XYLT1: variants seen among roughly 807,000 people sequenced by gnomAD.
XYLT1 encodes the protein beta-D-xylosyltransferase 1.
XYLT1 carries 36 observed loss-of-function variants against 91.3 expected under a neutral mutation model. The observed-to-expected ratio is 0.39, with a 90% CI of 0.30 to 0.52. The LOEUF (loss-of-function observed/expected upper bound fraction) is 0.52, where lower values mean the gene tolerates loss of function less well. Ranked by LOEUF, XYLT1 falls within the 20% of genes least tolerant of loss-of-function variation. XYLT1 has a pLI of 0.68. For synonymous variants in XYLT1, 588 were observed against 532.0 expected (o/e 1.11, Z -1.45); for missense variants, 1,242 against 1,284.5 (o/e 0.97, Z 0.51).
At chr16:17,373,925 T>C (rs1383840234) in intron 1 of XYLT1, among the ~76,000 whole-genome samples, 1 of 152,234 alleles carries the variant, frequency 6.6e-6, no homozygotes, top group African/African-American at 2.4e-5. Flanking sequence ...CAGGGAGTAT[T>C]GATTCCATCA....
At chr16:17,385,309 C>CA (rs1373073829) in intron 1 of XYLT1, among the ~76,000 whole-genome samples, 1 of 149,790 alleles carries the variant, frequency 6.7e-6, no homozygotes, top group Non-Finnish European at 1.5e-5. Flanking sequence ...CACACACACA[C>CA]ACCTATGTAC....
At chr16:17,386,734 A>AT (rs200951933) in intron 1 of XYLT1, among the ~76,000 whole-genome samples, 133 of 152,334 alleles carry the variant, frequency 8.7e-4, no homozygotes, top group African/African-American at 3.0e-3. Context: ...AGCCCCTATT[A>AT]TAAGAGCACT....
intron 1 of XYLT1, among the ~76,000 whole-genome samples, chr16:17,464,005 T>A (rs1159879584): frequency 3.9e-5 from 6 of 152,094 alleles, no homozygotes. Context: ...ATATCACATG[T>A]TCTCACTCCT....
chr16:17,470,388 T>G, intron 1 of XYLT1, 46 bp downstream of exon 1: 2 of 1,214,576 alleles, frequency 1.6e-6, no homozygotes, highest in Non-Finnish European at 2.0e-6. Context: ...TCGGGCTGCC[T>G]TCCTCCCTCC....
At chr16:17,462,223 G>A (rs1188433708) in intron 1 of XYLT1, among the ~76,000 whole-genome samples, 1 of 152,204 alleles carries the variant, frequency 6.6e-6, no homozygotes, top group African/African-American at 2.4e-5. Flanking sequence ...GGACAAACTA[G>A]GCCTGGGACA....
intron 3 of XYLT1, among the ~76,000 whole-genome samples, chr16:17,236,966 T>C (rs960206621): frequency 6.6e-6 from 1 of 152,210 alleles, no homozygotes; most frequent in African/African-American, 2.4e-5. Flanking sequence ...GGGGATACAA[T>C]GTAATCCATA....
chr16:17,338,497 G>A (rs943909862), intron 2 of XYLT1: 1 of 456,408 alleles, frequency 2.2e-6, no homozygotes, highest in African/African-American at 2.0e-5. Context: ...AGGAAGAGGA[G>A]CCTTGTGCTC....
At chr16:17,448,012 C>T (rs560346838) in intron 1 of XYLT1, among the ~76,000 whole-genome samples, 4 of 152,260 alleles carry the variant, frequency 2.6e-5, no homozygotes, top group African/African-American at 9.6e-5. Flanking sequence ...ATTAAGGAAA[C>T]ATACACATCA....
chr16:17,271,155 G>T (rs1463504390), intron 2 of XYLT1, among the ~76,000 whole-genome samples: 1 of 58,444 alleles, frequency 1.7e-5, no homozygotes, highest in Non-Finnish European at 3.2e-5. Context: ...ACTGTTTTTT[G>T]TTTGTTTGTT....
At chr16:17,222,665 C>T (rs142307812) in intron 3 of XYLT1, among the ~76,000 whole-genome samples, 448 of 151,900 alleles carry the variant, frequency 2.9e-3, no homozygotes, top group African/African-American at 0.01. Context: ...TGGTGTACAC[C>T]CATAATCCCA....
At chr16:17,225,367 CA>C (rs1280353120) in intron 3 of XYLT1, among the ~76,000 whole-genome samples, 1 of 151,924 alleles carries the variant, frequency 6.6e-6, no homozygotes, top group Admixed American at 6.6e-5. Flanking sequence ...GCCCCTTGTT[CA>C]AAAAATATTA....
intron 2 of XYLT1, among the ~76,000 whole-genome samples, chr16:17,283,990 G>A (rs544107922): frequency 2.0e-4 from 31 of 152,276 alleles, no homozygotes; most frequent in African/African-American, 7.5e-4. Flanking sequence ...CAGAGGGAAG[G>A]TCCCCTGGTC....
chr16:17,452,311 T>C (rs1286065779), intron 1 of XYLT1, among the ~76,000 whole-genome samples: 2 of 145,798 alleles, frequency 1.4e-5, no homozygotes, highest in Non-Finnish European at 3.0e-5. Context: ...TTTTCTTTTT[T>C]TTTTTTTTTT....
At chr16:17,273,153 G>A (rs888438872) in intron 2 of XYLT1, among the ~76,000 whole-genome samples, 8 of 152,170 alleles carry the variant, frequency 5.3e-5, no homozygotes, top group African/African-American at 1.9e-4. Context: ...ATTTACATAT[G>A]ATACAACATT....
At chr16:17,425,669 C>T (rs1440035338) in intron 1 of XYLT1, among the ~76,000 whole-genome samples, 1 of 152,198 alleles carries the variant, frequency 6.6e-6, no homozygotes, top group East Asian at 1.9e-4. Context: ...GTTCATTCCA[C>T]CTGCTGCTAC....
intron 1 of XYLT1, among the ~76,000 whole-genome samples, chr16:17,384,186 G>C (rs1232316162): frequency 5.9e-5 from 9 of 151,828 alleles, no homozygotes; most frequent in Non-Finnish European, 1.2e-4. Flanking sequence ...TAGAACCTGG[G>C]CTTCTATAAA....
At chr16:17,176,705 A>G (rs1485253572) in intron 5 of XYLT1, among the ~76,000 whole-genome samples, 1 of 152,220 alleles carries the variant, frequency 6.6e-6, no homozygotes, top group Non-Finnish European at 1.5e-5. Context: ...AGAAAATAAT[A>G]GCAACAAAGC....
chr16:17,150,939 G>T (rs1353095718), intron 6 of XYLT1, among the ~76,000 whole-genome samples: 1 of 152,134 alleles, frequency 6.6e-6, no homozygotes, highest in Non-Finnish European at 1.5e-5. Context: ...ACAGAAAATT[G>T]AAAGTGCAAG....
chr16:17,451,579 T>C (rs1264283362), intron 1 of XYLT1, among the ~76,000 whole-genome samples: 2 of 152,208 alleles, frequency 1.3e-5, no homozygotes, highest in African/African-American at 2.4e-5. Flanking sequence ...TCTGCAAACA[T>C]CCTGGGTACA....
Sources: gnomAD v4.1 joint callset for allele counts (sites outside exome capture counted in the v4.1 genomes callset) on GRCh38, gnomAD v4.1.1 for gene constraint, MANE v1.5 for transcripts, NCBI Gene and HGNC (gene_info 2026-07-23, HGNC 2026-07-21) for gene names.